The following HUNK variants were observed in gnomAD, a reference collection of about 807,000 sequenced individuals.
The protein encoded by HUNK is hormonally up-regulated neu tumor-associated kinase.
A neutral mutation model predicts 61.0 loss-of-function variants in HUNK; 21 were observed. The observed-to-expected ratio is 0.34, with a 90% confidence interval of 0.24 to 0.50. HUNK has a LOEUF of 0.50. Among genes scored for constraint, HUNK ranks in the 20% least tolerant of loss-of-function variants. The pLI, the probability that HUNK is intolerant of heterozygous loss-of-function variation, is 0.98. For synonymous variants in HUNK, 371 were observed against 386.1 expected, an observed-to-expected ratio of 0.96 and a Z score of 0.46; for missense variants, 772 against 945.7, an observed-to-expected ratio of 0.82 and a Z score of 2.41.
intron 7 of HUNK, among the ~76,000 whole-genome samples, chr21:31,978,254 T>C (rs1001441219): frequency 8.5e-5 from 13 of 152,218 alleles, no homozygotes; most frequent in African/African-American, 2.9e-4. Context: ...CTTTGAAATA[T>C]ATATACATTG....
At position 31,911,991 on chromosome 21, in the gene HUNK, C is replaced by G. The variant is rs2052548993; in HGVS notation, c.262-12477C>G. On this transcript the variant is annotated intron_variant, in intron 1 of 10. Coordinates refer to ENST00000270112, the MANE Select transcript of HUNK (RefSeq NM_014586.2). ...ATTTCTGTTTCTGTTGGGACTTTCC[C>G]AGAGCTGCTCGGTCTCCTCGTACCT... 3.3e-5 allele frequency among the ~76,000 whole-genome samples: 5 copies of G among 152,322 alleles called. No homozygotes were observed. The South Asian group carries it at 1.0e-3, about 32-fold the overall frequency.
rs1285102176 is a variant in HUNK, at chr21:31,974,560, C to G, written c.1016C>G (p.Ser339Cys). The G allele has an allele frequency of 1.9e-6, 3 of 1,612,634 alleles. No individual in the cohort carries two copies. Among genetic ancestry groups the G allele is most frequent in the Non-Finnish European group, 2.5e-6 (3 of 1,179,316 alleles). The change falls in exon 7 of 11, where the codon TCT (serine) becomes TGT (cysteine). Residue 339 changes from serine (S) to cysteine (C), a missense_variant. Ser to Cys is a moderately radical substitution (Grantham distance 112). Transcript: ENST00000270112. ...PCNVTYPNRI[S>C]LEDLSPSVVL... ...TCTCTCTCTGCACCTCGCAGGATTT[C>G]TCTGGAAGATCTGAGCCCGAGCGTC...
At position 31,999,312 on chromosome 21, in the gene HUNK, A is replaced by AC; in HGVS notation, c.*129dup. On this transcript the variant is annotated 3_prime_UTR_variant, in exon 11 of 11. Coordinates refer to ENST00000270112, the MANE Select transcript of HUNK (RefSeq NM_014586.2). ...CTTAGTCCCACCTGTAGCTGAATCCACAGACCCAAAGCCTGCACAACCCAA... is the reference window on the plus strand; with the variant it reads ...CTTAGTCCCACCTGTAGCTGAATCCACCAGACCCAAAGCCTGCACAACCCAA... The AC allele has an allele frequency of 1.2e-6, 1 of 856,048 alleles. No individual in the cohort carries two copies. The allele number at this position is 856,048 out of a possible 1,614,324, so 53.0% of individuals were successfully genotyped here.
At chr21:31,877,860 C>G (rs889858585) in intron 1 of HUNK, among the ~76,000 whole-genome samples, 2 of 152,076 alleles carry the variant, frequency 1.3e-5, no homozygotes, top group Admixed American at 6.5e-5. Context: ...AAGTGCCCCC[C>G]GCCCTGGCCC....
chr21:31,998,057 A>T (rs2053218232), intron 10 of HUNK, among the ~76,000 whole-genome samples: 2 of 152,128 alleles, frequency 1.3e-5, no homozygotes, highest in Non-Finnish European at 2.9e-5. Flanking sequence ...AGTTAGGACC[A>T]CAGGTGCATG....
chr21:31,969,857 G>A (rs1021212922), intron 6 of HUNK, among the ~76,000 whole-genome samples: 4 of 152,008 alleles, frequency 2.6e-5, no homozygotes, highest in African/African-American at 7.3e-5. Flanking sequence ...CACTGTGCCC[G>A]GCCAAAAACA....
intron 1 of HUNK, among the ~76,000 whole-genome samples, chr21:31,894,256 A>G (rs2052410292): frequency 6.6e-6 from 1 of 152,208 alleles, no homozygotes; most frequent in African/African-American, 2.4e-5. Flanking sequence ...AGGGAAAGGA[A>G]GAAAGAAAAG....
At chr21:31,963,000 A>G (rs544529090) in intron 5 of HUNK, among the ~76,000 whole-genome samples, 9 of 152,228 alleles carry the variant, frequency 5.9e-5, no homozygotes, top group Non-Finnish European at 1.0e-4. Context: ...TGGTTCATAG[A>G]GTGAATGTCT....
chr21:31,932,221 C>A (rs1305708742), intron 2 of HUNK, among the ~76,000 whole-genome samples: 1 of 152,222 alleles, frequency 6.6e-6, no homozygotes, highest in African/African-American at 2.4e-5. Context: ...ACTTCCCCAG[C>A]ACTGCTCCTG....
chr21:31,940,346 C>A, intron 3 of HUNK, 126 bp downstream of exon 3: 1 of 561,620 alleles, frequency 1.8e-6, no homozygotes, highest in South Asian at 2.7e-5. Flanking sequence ...TCTTCTTTTA[C>A]CTCCAATATT....
At chr21:31,889,319 C>G (rs373117356) in intron 1 of HUNK, among the ~76,000 whole-genome samples, 2 of 152,142 alleles carry the variant, frequency 1.3e-5, no homozygotes, top group Non-Finnish European at 2.9e-5. Flanking sequence ...GAAAAGGAAG[C>G]TTAGGGAAAG....
chr21:31,919,652 A>G (rs1197512925), intron 1 of HUNK, among the ~76,000 whole-genome samples: 1 of 152,216 alleles, frequency 6.6e-6, no homozygotes, highest in Non-Finnish European at 1.5e-5. Flanking sequence ...AAACCCTGAT[A>G]TGGGCTGGTT....
chr21:31,914,222 A>T (rs1005476684), intron 1 of HUNK, among the ~76,000 whole-genome samples: 2 of 151,984 alleles, frequency 1.3e-5, no homozygotes, highest in Admixed American at 1.3e-4. Context: ...AGCCTGACCA[A>T]CATGGAGAAA....
At chr21:31,958,666 G>A (rs994789109) in intron 4 of HUNK, among the ~76,000 whole-genome samples, 177 bp from the exon 5 acceptor site, 2 of 152,096 alleles carry the variant, frequency 1.3e-5, no homozygotes, top group Admixed American at 6.6e-5. Flanking sequence ...CACCATGTCC[G>A]ACCTCACCCA....
intron 5 of HUNK, among the ~76,000 whole-genome samples, chr21:31,967,962 C>G (rs112402481): frequency 6.6e-6 from 1 of 152,080 alleles, no homozygotes; most frequent in Non-Finnish European, 1.5e-5. Context: ...CCAGTTGCTC[C>G]CCTTGGACAG....
Position 31,995,798 on chromosome 21 carries a change from G to A in HUNK, c.1336G>A (p.Gly446Arg). Residue 446 changes from glycine to arginine, a missense_variant, in exon 10 of 11, where the codon GGG becomes AGG. Transcript: ENST00000270112. The part of the protein sequence containing the change: ...DKKPKEQEKR[G>R]DFLHRPFSKK... ...AAAGCCCAAAGAACAAGAAAAAAGA[G>A]GGGATTTTCTTCATCGACCATTCTC... 2.5e-6 allele frequency: 4 copies of A among 1,614,114 alleles called. No individual in the cohort carries two copies. The highest frequency in any genetic ancestry group is 3.4e-6 in the Non-Finnish European group (4 of 1,179,976).
intron 9 of HUNK, among the ~76,000 whole-genome samples, chr21:31,991,109 CTT>C (rs1303859077): frequency 6.6e-6 from 1 of 152,180 alleles, no homozygotes; most frequent in Non-Finnish European, 1.5e-5. Context: ...TTTTTATTGT[CTT>C]GTTACAACTC....
chr21:31,928,467 A>T (rs749950143), intron 2 of HUNK, among the ~76,000 whole-genome samples: 3 of 152,204 alleles, frequency 2.0e-5, no homozygotes, highest in Non-Finnish European at 4.4e-5. Flanking sequence ...AAGACGGTAT[A>T]CTTTTTCTTT....
At chr21:31,988,772 TTC>T (rs1019181955) in intron 8 of HUNK, among the ~76,000 whole-genome samples, 2 of 148,948 alleles carry the variant, frequency 1.3e-5, no homozygotes. Flanking sequence ...CCTCCCTCCT[TTC>T]TCTCTCTCTC....
Sources: gnomAD v4.1 joint callset for allele counts (sites outside exome capture counted in the v4.1 genomes callset) on GRCh38, gnomAD v4.1.1 for gene constraint, MANE v1.5 for transcripts, NCBI Gene and HGNC (gene_info 2026-07-23, HGNC 2026-07-21) for gene names.